The following L2HGDH variants were observed in gnomAD, a reference collection of about 807,000 sequenced individuals.
L2HGDH encodes the protein L-2-hydroxyglutarate dehydrogenase, mitochondrial.
In L2HGDH, 34 loss-of-function variants were observed where a neutral mutation model predicts 51.5. The observed-to-expected ratio is 0.66, with a 90% CI of 0.50 to 0.88. The LOEUF (loss-of-function observed/expected upper bound fraction) is 0.88, where lower values mean the gene tolerates loss of function less well. Ranked by LOEUF, L2HGDH falls within the 40% of genes least tolerant of loss-of-function variation. The pLI is 0.00. For missense variants in L2HGDH, 558 were observed against 571.9 expected, an observed-to-expected ratio of 0.98 and a Z score of 0.25; for synonymous variants, 198 against 197.9, an observed-to-expected ratio of 1.00 and a Z score of -0.01.
intron 8 of L2HGDH, 65 bp downstream of exon 8, chr14:50,267,688 A>G (rs1889423114): frequency 7.9e-7 from 1 of 1,272,688 alleles, no homozygotes; most frequent in South Asian, 1.2e-5. Context: ...GTATCAAGAA[A>G]GACAAAACTT....
intron 1 of L2HGDH, among the ~76,000 whole-genome samples, chr14:50,307,178 A>G (rs2030780884): frequency 6.6e-6 from 1 of 152,154 alleles, no homozygotes; most frequent in Non-Finnish European, 1.5e-5. Context: ...TCCACTTAGA[A>G]TTATTACCTT....
At chr14:50,299,088 C>A (rs1261181479) in intron 3 of L2HGDH, among the ~76,000 whole-genome samples, 1 of 151,704 alleles carries the variant, frequency 6.6e-6, no homozygotes, top group East Asian at 1.9e-4. Context: ...TTTAGCCAGA[C>A]TAAGAAAAAG....
rs1595051803 is a variant in L2HGDH, at chr14:50,243,076, G to A, written c.*3982C>T. ...TTAAGGTTATCCCACAGGCTACTAG[G>A]TAGATTTCCAAATGGCCTCAGGGAA... is the stretch of plus-strand genomic sequence containing the variant. On this transcript the variant is annotated 3_prime_UTR_variant, in exon 10 of 10. Transcript: ENST00000267436. 2.0e-6 allele frequency: 2 copies of A among 985,398 alleles called. No homozygotes were observed. Among genetic ancestry groups the A allele is most frequent in the Non-Finnish European group, 2.4e-6 (2 of 829,926 alleles). The allele number at this position is 985,398 out of a possible 1,614,324, so 61.0% of individuals were successfully genotyped here.
chr14:50,272,070 G>A (rs1275121768), intron 6 of L2HGDH, among the ~76,000 whole-genome samples: 1 of 152,244 alleles, frequency 6.6e-6, no homozygotes, highest in Non-Finnish European at 1.5e-5. Context: ...GAATCTGGGA[G>A]GCAGAGGTTA....
chr14:50,252,482 T>C (rs1222243960), intron 9 of L2HGDH, among the ~76,000 whole-genome samples: 1 of 139,258 alleles, frequency 7.2e-6, no homozygotes, highest in Non-Finnish European at 1.6e-5. Flanking sequence ...AGACATAGAG[T>C]AGCTGAATGG....
intron 9 of L2HGDH, among the ~76,000 whole-genome samples, chr14:50,259,203 C>T (rs1888850978): frequency 6.6e-6 from 1 of 151,572 alleles, no homozygotes; most frequent in Admixed American, 6.6e-5. Context: ...ATTAAAACTC[C>T]TGGGCTCAGG....
chr14:50,255,974 G>C lies in L2HGDH; in HGVS notation c.1197-8721C>G, dbSNP rs61553770. 7.6e-3 allele frequency among the ~76,000 whole-genome samples: 1,159 copies of C among 152,070 alleles called. 14 individuals are homozygous for C. Among genetic ancestry groups the C allele is most frequent in the African/African-American group, 0.025 (1,037 of 41,514 alleles). On this transcript the variant is annotated intron_variant, in intron 9 of 9. Coordinates refer to ENST00000267436, the MANE Select transcript of L2HGDH (RefSeq NM_024884.3). ...ACCCAGATCGCACCACTGCACTCCA[G>C]GCTGGGTGACAGAGTGAGACTCCGT...
chr14:50,298,516 C>T (rs941852689), intron 3 of L2HGDH, among the ~76,000 whole-genome samples: 1 of 151,892 alleles, frequency 6.6e-6, no homozygotes, highest in Non-Finnish European at 1.5e-5. Context: ...GGTTTCTCCA[C>T]GTTGGTCAGT....
intron 5 of L2HGDH, among the ~76,000 whole-genome samples, chr14:50,281,918 G>A (rs948877285): frequency 4.2e-4 from 64 of 152,218 alleles, no homozygotes; most frequent in African/African-American, 1.2e-3. Flanking sequence ...TCAGCTCACC[G>A]TAACCTCCAC....
intron 6 of L2HGDH, among the ~76,000 whole-genome samples, chr14:50,277,127 G>A (rs892345536): frequency 3.3e-5 from 5 of 151,952 alleles, no homozygotes; most frequent in Admixed American, 6.6e-5. Flanking sequence ...TTAAGTGACA[G>A]GATCTCAAAG....
intron 6 of L2HGDH, among the ~76,000 whole-genome samples, chr14:50,273,311 AC>A (rs1200139450): frequency 3.3e-5 from 5 of 152,102 alleles, no homozygotes; most frequent in Non-Finnish European, 7.4e-5. Context: ...TTCTCCAGGC[AC>A]CCCTGTCTTT....
chr14:50,283,791 A>C, intron 5 of L2HGDH, 80 bp downstream of exon 5: 1 of 1,147,288 alleles, frequency 8.7e-7, no homozygotes, highest in Non-Finnish European at 1.3e-6. Context: ...TTTCATCCTC[A>C]GTTGGTTAAA....
chr14:50,289,910 G>T (rs1006286041), intron 4 of L2HGDH, among the ~76,000 whole-genome samples: 1 of 152,160 alleles, frequency 6.6e-6, no homozygotes, highest in Admixed American at 6.5e-5. Flanking sequence ...TATGCTAGAT[G>T]CAAGTTAATT....
chr14:50,243,092 C>A lies in L2HGDH; in HGVS notation c.*3966G>T. ...GGCTACTAGGTAGATTTCCAAATGG[C>A]CTCAGGGAAAGTGGAATTCTGCCAA... On this transcript the variant is annotated 3_prime_UTR_variant, in exon 10 of 10. Coordinates refer to ENST00000267436, the MANE Select transcript of L2HGDH (RefSeq NM_024884.3). 1.0e-6 allele frequency: 1 copy of A among 985,432 alleles called. No individual in the cohort carries two copies. The highest frequency in any genetic ancestry group is 1.2e-6 in the Non-Finnish European group (1 of 829,958). 61.0% of individuals were successfully genotyped at this position (985,432 alleles called of 1,614,324 possible). A position where few individuals can be genotyped will look rare whatever the true frequency, so the allele number is the denominator to read the frequency against.
At position 50,312,032 on chromosome 14, in the gene L2HGDH, C is replaced by T; in HGVS notation, c.119G>A (p.Gly40Asp). 6.3e-7 allele frequency: 1 copy of T among 1,578,218 alleles called. No individual in the cohort carries two copies. The change falls in exon 1 of 10, where the codon GGT becomes GAT. Residue 40 changes from glycine to aspartate, a missense_variant. Gly to Asp is a moderately conservative substitution (Grantham distance 94, BLOSUM62 -1). Coordinates refer to ENST00000267436, the MANE Select transcript of L2HGDH (RefSeq NM_024884.3). ...ASGRPRPLCG[G>D]SRSASTSSFD... Reference sequence around the variant, plus strand: ...TCACCTGGTGCTGGCGCTGCGGCTACCTCCACACAGCGGTCTTGGCCTCCC... The same window carrying T: ...TCACCTGGTGCTGGCGCTGCGGCTATCTCCACACAGCGGTCTTGGCCTCCC...
At chr14:50,282,351 C>T (rs1890321554) in intron 5 of L2HGDH, 2 of 424,974 alleles carry the variant, frequency 4.7e-6, no homozygotes, top group Non-Finnish European at 9.4e-6. Flanking sequence ...TTTCCTAGTC[C>T]AGCCTCTTAG....
intron 9 of L2HGDH, among the ~76,000 whole-genome samples, chr14:50,260,891 G>A (rs1888977478): frequency 6.6e-6 from 1 of 152,062 alleles, no homozygotes; most frequent in Non-Finnish European, 1.5e-5. Context: ...CAAGGCGGGT[G>A]GATTACCTGA....
intron 6 of L2HGDH, among the ~76,000 whole-genome samples, chr14:50,277,807 T>C (rs1301974163): frequency 1.4e-5 from 2 of 147,518 alleles, no homozygotes; most frequent in Admixed American, 6.8e-5. Context: ...ATAATAATAA[T>C]AATAATAATA....
intron 9 of L2HGDH, among the ~76,000 whole-genome samples, chr14:50,264,782 G>A (rs112379465): frequency 0.019 from 2,906 of 152,168 alleles, 44 homozygotes; most frequent in Non-Finnish European, 0.03. Context: ...TTGGGTACTG[G>A]GCTTAATATG....
Sources: allele counts gnomAD v4.1 joint callset (sites outside exome capture counted in the v4.1 genomes callset), GRCh38; gene constraint gnomAD v4.1.1; transcripts MANE v1.5; gene names NCBI Gene and HGNC (gene_info 2026-07-23, HGNC 2026-07-21).